TEX264: variants seen among roughly 807,000 people sequenced by gnomAD.
TEX264 encodes the protein testis expressed 264, ER-phagy receptor, also known as testis-expressed protein 264.
A neutral mutation model predicts 23.4 loss-of-function variants in TEX264; 13 were observed. That is an observed-to-expected ratio of 0.56 (90% CI 0.36 to 0.88). The LOEUF is 0.88. Among genes scored for constraint, TEX264 ranks in the 40% least tolerant of loss-of-function variants. TEX264 has a pLI of 0.01. For synonymous variants in TEX264, 159 were observed against 170.0 expected, an observed-to-expected ratio of 0.94 and a Z score of 0.50; for missense variants, 340 against 406.8, an observed-to-expected ratio of 0.84 and a Z score of 1.41.
rs549321287 is a variant in TEX264, at chr3:51,691,711, C to T, written c.480+7077C>T. Among the ~76,000 whole-genome samples the T allele has an allele frequency of 1.3e-5, 2 of 152,118 alleles. No individual in the cohort carries two copies. The highest frequency in any genetic ancestry group is 2.9e-5 in the Non-Finnish European group (2 of 68,020). ...GCAGGCACTAGGGAGACACTGATGG[C>T]GTCTGAGCAGATGAGTGACAGTATC... On this transcript the variant is annotated intron_variant, in intron 3 of 4. Transcript: ENST00000341333. The surrounding 1 kb of genome is among the most constrained non-coding windows in gnomAD (Gnocchi z 4.4).
intron 3 of TEX264, among the ~76,000 whole-genome samples, chr3:51,689,733 C>T (rs1361959912): frequency 3.3e-5 from 5 of 152,220 alleles, no homozygotes; most frequent in Admixed American, 6.5e-5. Context: ...CAGATGCCAC[C>T]TCCAGTCCCG....
At chr3:51,676,096 G>A (rs1702216579) in intron 2 of TEX264, among the ~76,000 whole-genome samples, 1 of 152,340 alleles carries the variant, frequency 6.6e-6, no homozygotes, top group South Asian at 2.1e-4. Flanking sequence ...TGGAGCCTGA[G>A]TGGGATGGGA....
At chr3:51,680,645 T>C (rs987266241) in intron 2 of TEX264, among the ~76,000 whole-genome samples, 6 of 152,240 alleles carry the variant, frequency 3.9e-5, no homozygotes, top group African/African-American at 1.4e-4. Flanking sequence ...TTCCCAGATG[T>C]GGTTCCTTGT....
rs1703387954 is a variant in TEX264, at chr3:51,703,381, C to T, written c.650-343C>T. The stretch of plus-strand genomic sequence containing the variant: ...TCTTTGTTCTACCTCAGCTCCTCAC[C>T]TCAGGGCTGAGTGGCCCTTAATAAA... On this transcript the variant is annotated intron_variant, in intron 4 of 4. Coordinates refer to ENST00000341333, the MANE Select transcript of TEX264 (RefSeq NM_015926.6). The surrounding 1 kb of genome is among the most constrained non-coding windows in gnomAD (Gnocchi z 4.8). 6.6e-6 allele frequency among the ~76,000 whole-genome samples: 1 copy of T among 152,272 alleles called. No individual in the cohort carries two copies. The highest frequency in any genetic ancestry group is 3.4e-3 in the Middle Eastern group (1 of 294).
chr3:51,681,234 C>T (rs1019925416), intron 2 of TEX264: 5 of 152,310 alleles, frequency 3.3e-5, no homozygotes, highest in African/African-American at 9.6e-5. Flanking sequence ...GGAGCTCTGC[C>T]TTTTCTCCAG....
At chr3:51,687,554 C>T (rs994460771) in intron 3 of TEX264, among the ~76,000 whole-genome samples, 2 of 152,226 alleles carry the variant, frequency 1.3e-5, no homozygotes, top group Non-Finnish European at 2.9e-5. Flanking sequence ...CGCGTGTGTA[C>T]ACCCTTCTTT....
intron 2 of TEX264, among the ~76,000 whole-genome samples, chr3:51,677,135 C>A (rs1702258061): frequency 6.6e-6 from 1 of 152,250 alleles, no homozygotes; most frequent in Non-Finnish European, 1.5e-5. Context: ...CTGGTCCACA[C>A]TCCATATTAT....
intron 3 of TEX264, among the ~76,000 whole-genome samples, chr3:51,689,594 C>T (rs1429771364): frequency 6.6e-6 from 1 of 152,156 alleles, no homozygotes; most frequent in African/African-American, 2.4e-5. Context: ...CAGACCCTTT[C>T]CTGCTTCACC....
intron 2 of TEX264, among the ~76,000 whole-genome samples, chr3:51,680,794 C>G (rs377289124): frequency 9.8e-5 from 15 of 152,342 alleles, no homozygotes; most frequent in Admixed American, 2.6e-4. Flanking sequence ...TACAGATACT[C>G]ATTGAGCCAA....
chr3:51,703,643 C>T lies in TEX264; in HGVS notation c.650-81C>T. The stretch of plus-strand genomic sequence containing the variant: ...CGGGAGGCTGCATTATTCATGAGTG[C>T]ACTGCGTGCTGAGTTGCCTCTCCCT... On this transcript the variant is annotated intron_variant, in intron 4 of 4. Coordinates refer to ENST00000341333, the MANE Select transcript of TEX264 (RefSeq NM_015926.6). This position sits in a 1 kb window ranked among gnomAD's most constrained non-coding sequence, Gnocchi z 4.8. The T allele has an allele frequency of 7.0e-7, 1 of 1,426,086 alleles. No homozygotes were observed. The highest frequency in any genetic ancestry group is 1.4e-5 in the African/African-American group (1 of 70,208). 88.3% of individuals were successfully genotyped at this position (1,426,086 alleles called of 1,614,324 possible).
chr3:51,676,283 A>G (rs1197008029), intron 2 of TEX264, among the ~76,000 whole-genome samples: 7 of 152,188 alleles, frequency 4.6e-5, no homozygotes, highest in South Asian at 2.1e-4. Flanking sequence ...TCTGGAATCA[A>G]CAGGTTGCCT....
rs1327809073 is a variant in TEX264 at position 51,674,313 on chromosome 3, C to T, written c.9C>T (p.Asp3=). The change falls in exon 2 of 5, where the codon GAC becomes GAT. Residue 3 remains aspartate (D), a synonymous_variant. Coordinates refer to ENST00000341333, the MANE Select transcript of TEX264 (RefSeq NM_015926.6). MS[D]LLLLGLIGGL... Reference sequence around the variant, plus strand: ...GTTGGGGATCCAGAGCCATGTCGGACCTGCTACTACTGGGCCTGATTGGGG... The same window carrying T: ...GTTGGGGATCCAGAGCCATGTCGGATCTGCTACTACTGGGCCTGATTGGGG... 2.5e-6 allele frequency: 4 copies of T among 1,614,082 alleles called. No homozygotes were observed. The highest frequency in any genetic ancestry group is 2.7e-5 in the African/African-American group (2 of 74,928).
At chr3:51,671,650 C>A (rs910794991) in intron 1 of TEX264, 3 of 154,776 alleles carry the variant, frequency 1.9e-5, no homozygotes, top group African/African-American at 7.2e-5. Flanking sequence ...AAGTTACAGA[C>A]GTGCGTGGGG....
At chr3:51,684,720 G>A in intron 3 of TEX264, 86 bp downstream of exon 3, 1 of 1,419,242 alleles carries the variant, frequency 7.0e-7, no homozygotes, top group Non-Finnish European at 9.8e-7. Flanking sequence ...ATGGGAGGAA[G>A]AAGTGGTTTT....
At position 51,686,444 on chromosome 3, in the gene TEX264, T is replaced by C. The variant is rs1702622174; in HGVS notation, c.480+1810T>C. ...TTCAGATGTCCCTGGAGTCTGGTGT[T>C]GGGGCTGAGGAATGAATAAATGAGG... On this transcript the variant is annotated intron_variant, in intron 3 of 4. Coordinates refer to ENST00000341333, the MANE Select transcript of TEX264 (RefSeq NM_015926.6). This position sits in a 1 kb window ranked among gnomAD's most constrained non-coding sequence, Gnocchi z 4.1. 6.6e-6 allele frequency among the ~76,000 whole-genome samples: 1 copy of C among 152,102 alleles called. No homozygotes were observed. The highest frequency in any genetic ancestry group is 1.5e-5 in the Non-Finnish European group (1 of 68,018).
chr3:51,675,440 T>C (rs1239323357), intron 2 of TEX264, among the ~76,000 whole-genome samples: 1 of 152,196 alleles, frequency 6.6e-6, no homozygotes, highest in African/African-American at 2.4e-5. Context: ...TCCTGCAGTC[T>C]ACCCAATGTG....
At chr3:51,685,325 G>A (rs1702584017) in intron 3 of TEX264, among the ~76,000 whole-genome samples, 1 of 152,236 alleles carries the variant, frequency 6.6e-6, no homozygotes, top group South Asian at 2.1e-4. Context: ...GGGCTTGGAC[G>A]TGATTGTTCA....
At chr3:51,677,225 C>T (rs1702260835) in intron 2 of TEX264, among the ~76,000 whole-genome samples, 1 of 152,322 alleles carries the variant, frequency 6.6e-6, no homozygotes, top group African/African-American at 2.4e-5. Flanking sequence ...AATATCTGAG[C>T]ACCTGCTCTG....
chr3:51,684,753 C>T, intron 3 of TEX264, 119 bp downstream of exon 3: 3 of 922,246 alleles, frequency 3.3e-6, no homozygotes, highest in Non-Finnish European at 5.0e-6. Context: ...CCCTGGGGCC[C>T]TCATGGAACA....
Sources: gnomAD v4.1 joint callset for allele counts (sites outside exome capture counted in the v4.1 genomes callset) on GRCh38, gnomAD v4.1.1 for gene constraint, Gnocchi (gnomAD v3.1) non-coding constraint, MANE v1.5 for transcripts, NCBI Gene and HGNC (gene_info 2026-07-23, HGNC 2026-07-21) for gene names.